FUT8: variants seen among roughly 807,000 people sequenced by gnomAD.
The protein encoded by FUT8 is fucosyltransferase 8.
In FUT8, 29 loss-of-function variants were observed where a neutral mutation model predicts 71.3. The ratio of observed to expected loss-of-function variants is 0.41; its 90% confidence interval spans 0.30 to 0.55. FUT8 has a LOEUF of 0.55. Among genes scored for constraint, FUT8 ranks in the 20% least tolerant of loss-of-function variants. The pLI, the probability that FUT8 is intolerant of heterozygous loss-of-function variation, is 0.34. For synonymous variants in FUT8, 254 were observed against 239.3 expected, an observed-to-expected ratio of 1.06 and a Z score of -0.57; for missense variants, 544 against 702.1, an observed-to-expected ratio of 0.77 and a Z score of 2.55.
chr14:65,528,664 G>A (rs1042918220), intron 2 of FUT8, among the ~76,000 whole-genome samples: 11 of 152,128 alleles, frequency 7.2e-5, no homozygotes, highest in Admixed American at 2.0e-4. Flanking sequence ...ATAGACTGGA[G>A]CTGCTCCTAT....
intron 1 of FUT8, among the ~76,000 whole-genome samples, chr14:65,447,259 T>C (rs1408106849): frequency 6.8e-6 from 1 of 146,510 alleles, no homozygotes; most frequent in African/African-American, 2.5e-5. Flanking sequence ...CACACTGCAC[T>C]ACAGCCTAGG....
upstream of FUT8, chr14:65,412,167 C>T (rs150063048): frequency 2.2e-6 from 1 of 456,696 alleles, no homozygotes; most frequent in East Asian, 7.0e-5. Flanking sequence ...GTGGAAACAG[C>T]TCTTACAAGA....
rs957524917 is a variant in FUT8, at chr14:65,652,573, G to A, written c.598-16670G>A. Among the ~76,000 whole-genome samples the A allele has an allele frequency of 4.6e-5, 7 of 152,054 alleles. No individual in the cohort carries two copies. Among genetic ancestry groups the A allele is most frequent in the Non-Finnish European group, 1.5e-5 (1 of 68,014 alleles). On this transcript the variant is annotated intron_variant, in intron 6 of 10. Coordinates refer to ENST00000673929, the MANE Select transcript of FUT8 (RefSeq NM_001371533.1). The surrounding 1 kb of genome is among the most constrained non-coding windows in gnomAD (Gnocchi z 4.0). ...TGAAGAAGAGACTGGCTGGAAACAGGAAAACATTCCTGGGACTGTCTTCTG... is the reference window on the plus strand; with the variant it reads ...TGAAGAAGAGACTGGCTGGAAACAGAAAAACATTCCTGGGACTGTCTTCTG...
intron 9 of FUT8, among the ~76,000 whole-genome samples, chr14:65,727,682 G>A (rs1224530942): frequency 6.6e-6 from 1 of 152,122 alleles, no homozygotes; most frequent in Non-Finnish European, 1.5e-5. Flanking sequence ...CCATTGTATT[G>A]GTGATTAACA....
intron 3 of FUT8, among the ~76,000 whole-genome samples, chr14:65,599,812 C>T (rs993818121): frequency 1.3e-5 from 2 of 152,122 alleles, no homozygotes; most frequent in African/African-American, 2.4e-5. Flanking sequence ...CTTAATAAAG[C>T]CATTAACTAC....
intron 7 of FUT8, among the ~76,000 whole-genome samples, chr14:65,696,353 A>G (rs915787906): frequency 1.3e-5 from 2 of 152,166 alleles, no homozygotes; most frequent in Non-Finnish European, 2.9e-5. Flanking sequence ...TTATTCTTTC[A>G]AAGGAATTCA....
chr14:65,410,399 A>AT (rs2065109839), upstream of FUT8, among the ~76,000 whole-genome samples: 1 of 152,204 alleles, frequency 6.6e-6, no homozygotes, highest in African/African-American at 2.4e-5. Flanking sequence ...GGTTTTGATA[A>AT]TAATGTTCCA....
Position 65,483,254 on chromosome 14 carries a change from G to A in FUT8, c.-228+27536G>A, listed in dbSNP as rs1324207243. Among the ~76,000 whole-genome samples the A allele has an allele frequency of 6.6e-6, 1 of 152,216 alleles. No homozygotes were observed. Among genetic ancestry groups the A allele is most frequent in the Non-Finnish European group, 1.5e-5 (1 of 68,034 alleles). On this transcript the variant is annotated intron_variant, in intron 2 of 10. Coordinates refer to ENST00000673929, the MANE Select transcript of FUT8 (RefSeq NM_001371533.1). This position sits in a 1 kb window ranked among gnomAD's most constrained non-coding sequence, Gnocchi z 4.4. ...AACAAGGTCTGGATCTCAGCCCTGG[G>A]ATGGTTTAGGGTCGGAGGAAGCTCT... is the stretch of plus-strand genomic sequence containing the variant.
chr14:65,610,142 C>T (rs1888806370), intron 3 of FUT8, among the ~76,000 whole-genome samples: 1 of 151,730 alleles, frequency 6.6e-6, no homozygotes, highest in Non-Finnish European at 1.5e-5. Context: ...TTATGTGAAC[C>T]GAGGATAGCT....
intron 2 of FUT8, among the ~76,000 whole-genome samples, chr14:65,517,004 A>G (rs1882755254): frequency 6.6e-6 from 1 of 151,492 alleles, no homozygotes; most frequent in Non-Finnish European, 1.5e-5. Context: ...TATTTAGCAT[A>G]ATGTCTTCAA....
intron 1 of FUT8, among the ~76,000 whole-genome samples, chr14:65,446,678 C>CTTTTTTTTTTTTTTTTTTTTTTTT (rs11378151): frequency 7.4e-6 from 1 of 134,264 alleles, no homozygotes; most frequent in Non-Finnish European, 1.6e-5. Context: ...TGTTTTAGGG[C>CTTTTTTTTTTTTTTTTTTTTTTTT]TTTTTTTTTT....
rs2066067920 is a variant in FUT8 at position 65,467,803 on chromosome 14, C to T, written c.-228+12085C>T. ...TAGAGGTCTTTTATTTTTTTTAACA[C>T]CTGTTATGCTATGAATTCACAGGGA... On this transcript the variant is annotated intron_variant, in intron 2 of 10. Transcript: ENST00000673929. This position sits in a 1 kb window ranked among gnomAD's most constrained non-coding sequence, Gnocchi z 4.1. The T allele has an allele frequency of 1.6e-5, 12 of 729,656 alleles. No homozygotes were observed. The highest frequency in any genetic ancestry group is 1.4e-4 in the South Asian group (10 of 73,180). The allele number at this position is 729,656 out of a possible 1,614,324, so 45.2% of individuals were successfully genotyped here. A position where few individuals can be genotyped will look rare whatever the true frequency, so the allele number is the denominator to read the frequency against.
intron 2 of FUT8, among the ~76,000 whole-genome samples, chr14:65,470,605 G>A (rs1178372109): frequency 1.3e-5 from 2 of 152,232 alleles, no homozygotes; most frequent in Admixed American, 6.5e-5. Context: ...CCCAGGCAGA[G>A]CAGATAACTG....
chr14:65,629,548 G>A lies in FUT8; in HGVS notation c.539G>A (p.Arg180Gln), dbSNP rs756440529. The A allele has an allele frequency of 6.8e-6, 11 of 1,613,622 alleles. No individual in the cohort carries two copies. The highest frequency in any genetic ancestry group is 4.4e-5 in the South Asian group (4 of 91,058). Residue 180 changes from arginine to glutamine, a missense_variant, in exon 6 of 11, where the codon CGG becomes CAG. Physicochemically the swap from Arg to Gln is conservative, Grantham distance 43. Coordinates refer to ENST00000673929, the MANE Select transcript of FUT8 (RefSeq NM_001371533.1). ...LSQTDGAGDWREKEAKDLTEL... is the reference protein window; with the variant it reads ...LSQTDGAGDWQEKEAKDLTEL... ...CAGACAGATGGAGCAGGTGATTGGC[G>A]GGAAAAAGAGGCCAAAGATCTGACA...
At chr14:65,741,133 A>C (rs1382409213) in intron 10 of FUT8, among the ~76,000 whole-genome samples, 7 of 151,914 alleles carry the variant, frequency 4.6e-5, no homozygotes, top group Admixed American at 4.6e-4. Context: ...TAACTTTATT[A>C]CTAAGCATTA....
At chr14:65,739,709 A>G (rs1347750995) in intron 10 of FUT8, among the ~76,000 whole-genome samples, 1 of 152,028 alleles carries the variant, frequency 6.6e-6, no homozygotes, top group African/African-American at 2.4e-5. Context: ...CTTATGCTAT[A>G]TCTTTCTGGT....
intron 2 of FUT8, among the ~76,000 whole-genome samples, chr14:65,548,501 T>G (rs1885101330): frequency 6.6e-6 from 1 of 152,072 alleles, no homozygotes; most frequent in Non-Finnish European, 1.5e-5. Flanking sequence ...ATTTTTTTTT[T>G]GCAGTTTTTT....
chr14:65,379,255 T>G, the FUT8 span, among the ~76,000 whole-genome samples: 12 of 152,164 alleles, frequency 7.9e-5, no homozygotes, highest in African/African-American at 2.9e-4. Context: ...AGTGGCCAGG[T>G]GTGGTGGCTC....
At chr14:65,532,966 G>A (rs1884057927) in intron 2 of FUT8, among the ~76,000 whole-genome samples, 2 of 151,948 alleles carry the variant, frequency 1.3e-5, no homozygotes, top group South Asian at 4.2e-4. Flanking sequence ...CTTATTTCTG[G>A]GCTCTTTGTT....
Sources: allele counts gnomAD v4.1 joint callset (sites outside exome capture counted in the v4.1 genomes callset), GRCh38; gene constraint gnomAD v4.1.1; non-coding constraint Gnocchi (gnomAD v3.1); transcripts MANE v1.5; gene names NCBI Gene and HGNC (gene_info 2026-07-23, HGNC 2026-07-21).